The following LRP1B variants were observed in gnomAD, a reference collection of about 807,000 sequenced individuals.
LRP1B encodes LDL receptor related protein 1B.
In LRP1B, 217 loss-of-function variants were observed where a neutral mutation model predicts 556.6. The ratio of observed to expected loss-of-function variants is 0.39; its 90% CI spans 0.35 to 0.44. LRP1B has a LOEUF of 0.44. Ranked by LOEUF, LRP1B falls within the 20% of genes least tolerant of loss-of-function variation. The probability of loss-of-function intolerance (pLI) is 1.00; values close to 1 mark genes in which losing one functional copy is unlikely to be tolerated. For missense variants in LRP1B, 5,053 were observed against 5,620.8 expected (o/e 0.90, Z 3.23); for synonymous variants, 2,047 against 1,865.8 (o/e 1.10, Z -2.50).
At chr2:142,027,783 G>A (rs2105189370) in intron 1 of LRP1B, among the ~76,000 whole-genome samples, 1 of 149,040 alleles carries the variant, frequency 6.7e-6, no homozygotes, top group Admixed American at 6.7e-5. Context: ...TAGTAGCTAT[G>A]TAATACTCTC....
chr2:140,284,302 C>A (rs1573732219), intron 84 of LRP1B, among the ~76,000 whole-genome samples: 1 of 116,670 alleles, frequency 8.6e-6, no homozygotes. Context: ...TTCCCCCCCT[C>A]CCCCCCAAAA....
chr2:141,494,286 G>C (rs773183631), intron 2 of LRP1B, among the ~76,000 whole-genome samples: 1 of 152,112 alleles, frequency 6.6e-6, no homozygotes, highest in Non-Finnish European at 1.5e-5. Flanking sequence ...TCCTCTTTGT[G>C]CTAGAACTGA....
At chr2:141,001,071 C>G (rs1697407253) in intron 15 of LRP1B, among the ~76,000 whole-genome samples, 1 of 152,002 alleles carries the variant, frequency 6.6e-6, no homozygotes, top group South Asian at 2.1e-4. Flanking sequence ...ATTTTAACCT[C>G]AAAATACTAT....
At chr2:141,590,860 C>G (rs1687309115) in intron 2 of LRP1B, among the ~76,000 whole-genome samples, 1 of 152,160 alleles carries the variant, frequency 6.6e-6, no homozygotes, top group Non-Finnish European at 1.5e-5. Flanking sequence ...GTCAAGGACA[C>G]CAACCCAGCG....
intron 32 of LRP1B, among the ~76,000 whole-genome samples, chr2:140,794,565 G>A (rs1690236111): frequency 6.6e-6 from 1 of 151,026 alleles, no homozygotes. Context: ...CATAGAATAT[G>A]GTTAAATAAC....
intron 1 of LRP1B, among the ~76,000 whole-genome samples, chr2:142,128,427 A>G (rs1405756624): frequency 6.6e-6 from 1 of 152,212 alleles, no homozygotes; most frequent in Non-Finnish European, 1.5e-5. Flanking sequence ...AGAAAGTTAC[A>G]TCTCATTAAC....
intron 62 of LRP1B, among the ~76,000 whole-genome samples, chr2:140,454,372 A>T (rs954387703): frequency 1.3e-5 from 2 of 152,092 alleles, no homozygotes; most frequent in Admixed American, 1.3e-4. Flanking sequence ...GCGGCTCTCC[A>T]ACTCCTGACC....
chr2:140,635,023 T>C (rs1317290754), intron 41 of LRP1B, among the ~76,000 whole-genome samples: 1 of 152,056 alleles, frequency 6.6e-6, no homozygotes, highest in African/African-American at 2.4e-5. Context: ...ATATTAGCAA[T>C]AGGGGAAACT....
intron 7 of LRP1B, among the ~76,000 whole-genome samples, chr2:141,078,304 T>C (rs1443558391): frequency 1.1e-3 from 5 of 4,422 alleles, no homozygotes; most frequent in Admixed American, 9.9e-3. Context: ...GTCCAGTTCA[T>C]TTTTTTTTTC....
intron 49 of LRP1B, among the ~76,000 whole-genome samples, chr2:140,525,153 G>GTA (rs1424082561): frequency 1.3e-5 from 2 of 151,756 alleles, no homozygotes; most frequent in African/African-American, 4.8e-5. Context: ...GCAGCAGGGT[G>GTA]GAGAGAGGCA....
At position 141,094,930 on chromosome 2, in the gene LRP1B, T is replaced by C. The variant is rs146481912; in HGVS notation, c.1014-32657A>G. Among the ~76,000 whole-genome samples the C allele has an allele frequency of 4.5e-4, 69 of 152,262 alleles. 1 individual carries two copies. In the East Asian group the frequency reaches 0.013, roughly 29 times the overall value. On this transcript the variant is annotated intron_variant, in intron 7 of 90. Coordinates refer to ENST00000389484, the MANE Select transcript of LRP1B (RefSeq NM_018557.3). ...GTTTGAATGTGTCCCCCCAAAAACA[T>C]GTGTTGAAAGTTTGATCCCCAGTGC... is the stretch of plus-strand genomic sequence containing the variant.
intron 86 of LRP1B, among the ~76,000 whole-genome samples, chr2:140,250,082 C>T (rs1318975282): frequency 6.6e-6 from 1 of 151,816 alleles, no homozygotes; most frequent in Non-Finnish European, 1.5e-5. Flanking sequence ...CTATTCTCTG[C>T]TATTCATCCG....
chr2:140,320,288 C>T (rs1680034253), intron 82 of LRP1B, among the ~76,000 whole-genome samples: 1 of 152,128 alleles, frequency 6.6e-6, no homozygotes, highest in Non-Finnish European at 1.5e-5. Flanking sequence ...TTTTCAAACG[C>T]TTCGGCTCTG....
chr2:140,939,280 A>G (rs1257650793), intron 20 of LRP1B, among the ~76,000 whole-genome samples: 1 of 151,888 alleles, frequency 6.6e-6, no homozygotes, highest in Non-Finnish European at 1.5e-5. Context: ...TCTGAGAACA[A>G]GAAATTAGTG....
intron 29 of LRP1B, among the ~76,000 whole-genome samples, chr2:140,842,281 T>TG (rs1221819660): frequency 1.3e-5 from 2 of 152,174 alleles, no homozygotes; most frequent in Non-Finnish European, 2.9e-5. Flanking sequence ...AAACAAGATG[T>TG]GGGGGCCTGG....
intron 11 of LRP1B, among the ~76,000 whole-genome samples, chr2:141,046,916 T>C (rs1332033408): frequency 1.3e-5 from 2 of 151,968 alleles, no homozygotes; most frequent in East Asian, 1.9e-4. Context: ...ACCCCGTCTC[T>C]AGTAAAAATA....
Position 140,776,381 on chromosome 2 carries a change from T to C in LRP1B, c.5360-143A>G, listed in dbSNP as rs1689498917. ...TCTAAGGGAAACAGTAAAATCACTG[T>C]CACATTTAAAAATGCAGCTCGTAGT... On this transcript the variant is annotated intron_variant, in intron 32 of 90. Coordinates refer to ENST00000389484, the MANE Select transcript of LRP1B (RefSeq NM_018557.3). The C allele has an allele frequency of 5.8e-6, 3 of 512,980 alleles. No homozygotes were observed. In the East Asian group the frequency reaches 1.2e-4, roughly 20 times the overall value. 31.8% of individuals were successfully genotyped at this position (512,980 alleles called of 1,614,324 possible). A position where few individuals can be genotyped will look rare whatever the true frequency, so the allele number is the denominator to read the frequency against.
chr2:140,569,870 G>T (rs1426899208), intron 43 of LRP1B, among the ~76,000 whole-genome samples: 3 of 151,708 alleles, frequency 2.0e-5, no homozygotes, highest in African/African-American at 7.2e-5. Flanking sequence ...GACAAAACTA[G>T]AAATCAATTA....
intron 3 of LRP1B, among the ~76,000 whole-genome samples, chr2:141,291,993 G>C (rs540518836): frequency 6.6e-6 from 1 of 151,334 alleles, no homozygotes; most frequent in African/African-American, 2.4e-5. Flanking sequence ...ACCCCAATGC[G>C]ATGAACTACT....
Sources: gnomAD v4.1 joint callset for allele counts (sites outside exome capture counted in the v4.1 genomes callset) on GRCh38, gnomAD v4.1.1 for gene constraint, MANE v1.5 for transcripts, NCBI Gene and HGNC (gene_info 2026-07-23, HGNC 2026-07-21) for gene names.